Variants in MAP4 observed in about 807,000 individuals in gnomAD.
MAP4 encodes microtubule-associated protein 4.
MAP4 carries 76 observed loss-of-function variants against 170.2 expected under a neutral mutation model. The ratio of observed to expected loss-of-function variants is 0.45; its 90% confidence interval spans 0.37 to 0.54. The LOEUF is 0.54. Among genes scored for constraint, MAP4 ranks in the 20% least tolerant of loss-of-function variants. The probability of loss-of-function intolerance (pLI) is 0.00; values close to 1 mark genes in which losing one functional copy is unlikely to be tolerated. For synonymous variants in MAP4, 909 were observed against 994.5 expected, an observed-to-expected ratio of 0.91 and a Z score of 1.62; for missense variants, 2,506 against 2,748.0, an observed-to-expected ratio of 0.91 and a Z score of 1.97.
intron 1 of MAP4, among the ~76,000 whole-genome samples, chr3:48,035,382 C>T (rs1044768749): frequency 2.0e-5 from 3 of 151,920 alleles, no homozygotes; most frequent in African/African-American, 7.2e-5. Flanking sequence ...ACCTGCAATC[C>T]CAGCACTTTG....
rs1468363573 is a variant in MAP4, at chr3:47,997,530, T to C, written c.223+1108A>G. On this transcript the variant is annotated intron_variant, in intron 2 of 20. Transcript: ENST00000683076. Reference sequence around the variant, plus strand: ...AAAAGAAATGTCTCAGATCAAAACCTGATTTAAGCTGTCACCTTAAGAAAC... The same window carrying C: ...AAAAGAAATGTCTCAGATCAAAACCCGATTTAAGCTGTCACCTTAAGAAAC... Among the ~76,000 whole-genome samples the C allele has an allele frequency of 3.3e-5, 5 of 151,654 alleles. No homozygotes were observed. In the East Asian group the frequency reaches 7.7e-4, roughly 23 times the overall value.
rs1170027820 is a variant in MAP4 at position 47,915,954 on chromosome 3, G to C, written c.1873C>G (p.Pro625Ala). ...GAGAATAAGCACAAGCACGTACCTG[G>C]TGAAATCATGAAAGTAGGTGCAGCT... ...QSAAPTFMISPETVTGTGKKC... is the reference protein window; with the variant it reads ...QSAAPTFMISAETVTGTGKKC... Residue 625 changes from proline (P) to alanine (A), a missense_variant, in exon 7 of 21, where the codon CCA (proline) becomes GCA (alanine). By Grantham distance (27) the Pro-to-Ala change is conservative. Coordinates refer to ENST00000683076, the MANE Select transcript of MAP4 (RefSeq NM_001385682.1). 1 of 1,608,600 alleles carries C rather than the reference G, an allele frequency of 6.2e-7. No homozygotes were observed. The highest frequency in any genetic ancestry group is 8.5e-7 in the Non-Finnish European group (1 of 1,177,378).
At chr3:47,945,688 T>A (rs2100059354) in intron 3 of MAP4, among the ~76,000 whole-genome samples, 1 of 151,978 alleles carries the variant, frequency 6.6e-6, no homozygotes, top group African/African-American at 2.4e-5. Context: ...TTTATTTACT[T>A]TTTTTGCTGA....
Position 47,911,411 on chromosome 3 carries a change from TCA to T in MAP4, c.3008_3009del (p.Leu1003GlnfsTer5), listed in dbSNP as rs1384166314. 3.3e-6 allele frequency: 5 copies of T among 1,536,156 alleles called. No homozygotes were observed. In the South Asian group the frequency reaches 5.9e-5, roughly 18 times the overall value. Reference sequence around the variant, plus strand: ...TCTTCAGCTCCTTCAGGAAACTCCTTCAGTTTGACATTCTGCAGTTTAGTCAT... The same window carrying T: ...TCTTCAGCTCCTTCAGGAAACTCCTTGTTTGACATTCTGCAGTTTAGTCAT... ...SKMTKLQNVK[L>X]KEFPEGAEED... is the part of the protein sequence containing the mutation. On this transcript the variant is annotated frameshift_variant, in exon 9 of 21. Coordinates refer to ENST00000683076, the MANE Select transcript of MAP4 (RefSeq NM_001385682.1). LOFTEE classifies it high-confidence loss of function. The surrounding 1 kb of genome is among the most constrained non-coding windows in gnomAD (Gnocchi z 4.0).
chr3:47,967,408 T>A (rs930438918), intron 3 of MAP4, among the ~76,000 whole-genome samples: 6 of 152,134 alleles, frequency 3.9e-5, no homozygotes, highest in Non-Finnish European at 8.8e-5. Context: ...ATCCCAACAC[T>A]TTGGGAGGCT....
intron 1 of MAP4, among the ~76,000 whole-genome samples, chr3:48,075,208 T>C (rs2100143220): frequency 1.3e-5 from 2 of 152,132 alleles, no homozygotes; most frequent in Admixed American, 1.3e-4. Flanking sequence ...GGTACTGGCA[T>C]AGACGTACAC....
chr3:47,965,704 G>A (rs1301802673), intron 3 of MAP4, among the ~76,000 whole-genome samples: 1 of 152,056 alleles, frequency 6.6e-6, no homozygotes, highest in African/African-American at 2.4e-5. Flanking sequence ...TATCTTTTAT[G>A]AAGAAATGTT....
At chr3:47,862,961 AGTT>A (rs1415759386) in intron 17 of MAP4, among the ~76,000 whole-genome samples, 1 of 150,780 alleles carries the variant, frequency 6.6e-6, no homozygotes, top group African/African-American at 2.4e-5. Context: ...CACAATAAAA[AGTT>A]GTTTTTTTTT....
intron 1 of MAP4, among the ~76,000 whole-genome samples, chr3:48,086,149 C>T (rs1424733478): frequency 6.6e-6 from 1 of 151,814 alleles, no homozygotes; most frequent in Non-Finnish European, 1.5e-5. Flanking sequence ...TATATACACA[C>T]ACTCACACAC....
At chr3:48,054,527 G>C (rs994736929) in intron 1 of MAP4, among the ~76,000 whole-genome samples, 40 of 151,100 alleles carry the variant, frequency 2.6e-4, no homozygotes, top group Admixed American at 2.6e-3. Context: ...CTACTCAGGA[G>C]GCTGAGGCAG....
chr3:48,036,180 A>G (rs1297064985), intron 1 of MAP4, among the ~76,000 whole-genome samples: 1 of 152,208 alleles, frequency 6.6e-6, no homozygotes, highest in African/African-American at 2.4e-5. Flanking sequence ...TCTTTATAGC[A>G]AGCTCTATGC....
intron 1 of MAP4, among the ~76,000 whole-genome samples, chr3:48,028,029 C>T (rs569834658): frequency 6.6e-6 from 1 of 152,168 alleles, no homozygotes; most frequent in Admixed American, 6.5e-5. Flanking sequence ...CTGTGGCTCA[C>T]GCCTGTAATC....
chr3:48,013,303 TA>T (rs374928259), intron 1 of MAP4, among the ~76,000 whole-genome samples: 18 of 147,996 alleles, frequency 1.2e-4, no homozygotes, highest in Middle Eastern at 3.5e-3. Context: ...GCATTTACTC[TA>T]AAAAAAAAAC....
Position 47,916,494 on chromosome 3 carries a change from C to A in MAP4, c.1333G>T (p.Ala445Ser). 6.2e-7 allele frequency: 1 copy of A among 1,614,174 alleles called. No homozygotes were observed. The highest frequency in any genetic ancestry group is 8.5e-7 in the Non-Finnish European group (1 of 1,180,028). Residue 445 changes from alanine (A) to serine (S), a missense_variant, in exon 7 of 21, where the codon GCC becomes TCC. Coordinates refer to ENST00000683076, the MANE Select transcript of MAP4 (RefSeq NM_001385682.1). ...KVALSSETEVALARDMTLPPE... is the reference protein window; with the variant it reads ...KVALSSETEVSLARDMTLPPE... ...GGCAGTGTCATGTCCCTGGCCAGGGCTACCTCTGTTTCTGAGGACAAAGCC... is the reference window on the plus strand; with the variant it reads ...GGCAGTGTCATGTCCCTGGCCAGGGATACCTCTGTTTCTGAGGACAAAGCC...
chr3:48,046,565 C>G (rs2100124683), intron 1 of MAP4, among the ~76,000 whole-genome samples: 3 of 152,134 alleles, frequency 2.0e-5, no homozygotes. Context: ...TATTAATGAC[C>G]CGTCTACTTC....
At chr3:47,958,598 C>A (rs1336954519) in intron 3 of MAP4, among the ~76,000 whole-genome samples, 1 of 152,088 alleles carries the variant, frequency 6.6e-6, no homozygotes, top group Non-Finnish European at 1.5e-5. Context: ...CTCACTGCAA[C>A]CTCCGCCTCC....
chr3:48,065,343 T>C (rs1053253938), intron 1 of MAP4, among the ~76,000 whole-genome samples: 20 of 152,128 alleles, frequency 1.3e-4, no homozygotes, highest in African/African-American at 4.8e-4. Context: ...AAATGCAAAA[T>C]CTTGGGTCCC....
chr3:47,910,553 T>C lies in MAP4; in HGVS notation c.3868A>G (p.Asn1290Asp), dbSNP rs762627316. 13 of 1,536,096 alleles carry C rather than the reference T, an allele frequency of 8.5e-6. No homozygotes were observed. The South Asian group carries it at 1.4e-4, about 17-fold the overall frequency. The change falls in exon 9 of 21, where the codon AAT (asparagine) becomes GAT (aspartate). Residue 1290 changes from asparagine to aspartate, a missense_variant. Asn to Asp is a conservative substitution (Grantham distance 23). This residue lies in a region of MAP4 where 2,008 missense variants were observed against 2,206.0 expected (regional missense o/e 0.91). Transcript: ENST00000683076. ...AGCTCAACAAAATTAACCTGAAAAT[T>C]TCCACCCTTCCTGTCAACTGCTTCC... ...TVEAVDRKGGNFQVNFVELGT... is the reference protein window; with the variant it reads ...TVEAVDRKGGDFQVNFVELGT...
intron 3 of MAP4, among the ~76,000 whole-genome samples, chr3:47,942,259 A>AT (rs2100056986): frequency 6.6e-6 from 1 of 152,258 alleles, no homozygotes; most frequent in Admixed American, 6.5e-5. Context: ...TTAAAATGGC[A>AT]TAACAATAAA....
Sources: gnomAD v4.1 joint callset for allele counts (sites outside exome capture counted in the v4.1 genomes callset) on GRCh38, gnomAD v4.1.1 for gene constraint, gnomAD v4.1.1 regional missense constraint, Gnocchi (gnomAD v3.1) non-coding constraint, MANE v1.5 for transcripts, NCBI Gene and HGNC (gene_info 2026-07-23, HGNC 2026-07-21) for gene names.